DOCK9: variants seen among roughly 807,000 people sequenced by gnomAD.
DOCK9 encodes the protein dedicator of cytokinesis protein 9.
Under a neutral mutation model 263.3 loss-of-function variants are expected in DOCK9, and 89 were observed. The observed-to-expected ratio is 0.34, with a 90% CI of 0.28 to 0.40. The LOEUF (loss-of-function observed/expected upper bound fraction) is 0.40, where lower values mean the gene tolerates loss of function less well. Among genes scored for constraint, DOCK9 ranks in the 10% least tolerant of loss-of-function variants. The pLI, the probability that DOCK9 is intolerant of heterozygous loss-of-function variation, is 1.00. For missense variants in DOCK9, 2,140 were observed against 2,603.4 expected (o/e 0.82, Z 3.87); for synonymous variants, 976 against 973.1 (o/e 1.00, Z -0.06).
chr13:99,030,814 G>A (rs1430670460), intron 1 of DOCK9, among the ~76,000 whole-genome samples: 1 of 152,150 alleles, frequency 6.6e-6, no homozygotes, highest in Non-Finnish European at 1.5e-5. Flanking sequence ...TCATTACAAT[G>A]TACAAGTAAG....
chr13:98,797,702 A>G (rs1249424761), intron 50 of DOCK9, among the ~76,000 whole-genome samples: 1 of 152,200 alleles, frequency 6.6e-6, no homozygotes, highest in Non-Finnish European at 1.5e-5. Flanking sequence ...GGCACTTGTG[A>G]TGATGGTTTA....
intron 1 of DOCK9, among the ~76,000 whole-genome samples, chr13:99,075,790 A>C (rs1016920489): frequency 1.3e-5 from 2 of 152,144 alleles, no homozygotes; most frequent in Admixed American, 1.3e-4. Flanking sequence ...AAAAATAGAC[A>C]TGAATCTCAA....
chr13:98,822,882 T>C (rs1229303756), intron 45 of DOCK9, among the ~76,000 whole-genome samples: 1 of 152,132 alleles, frequency 6.6e-6, no homozygotes, highest in African/African-American at 2.4e-5. Flanking sequence ...GTTTTTAATT[T>C]TGAGGACCAT....
At chr13:98,973,609 T>G (rs1405647353) in intron 1 of DOCK9, among the ~76,000 whole-genome samples, 3 of 152,184 alleles carry the variant, frequency 2.0e-5, no homozygotes, top group Non-Finnish European at 4.4e-5. Context: ...AACTTTTATT[T>G]TCTTTGAGAC....
rs147866842 is a variant in DOCK9 at position 98,879,686 on chromosome 13, CA to C, written c.2943+211del. Reference sequence around the variant, plus strand: ...CATGACCTTGAGCAAGTAACTCAAGCATGCTGGCCTCAGTTTCCCCATCTAT... The same window carrying C: ...CATGACCTTGAGCAAGTAACTCAAGCTGCTGGCCTCAGTTTCCCCATCTAT... On this transcript the variant is annotated intron_variant, in intron 27 of 52. Coordinates refer to ENST00000682017, the MANE Select transcript of DOCK9 (RefSeq NM_001366683.2). Among the ~76,000 whole-genome samples, 572 of 152,320 alleles carry C rather than the reference CA, an allele frequency of 3.8e-3. 1 individual carries two copies. The highest frequency in any genetic ancestry group is 0.013 in the African/African-American group (531 of 41,552).
At chr13:99,051,381 T>C (rs567531474) in intron 1 of DOCK9, among the ~76,000 whole-genome samples, 1 of 152,172 alleles carries the variant, frequency 6.6e-6, no homozygotes, top group South Asian at 2.1e-4. Context: ...AGACAGAGCC[T>C]GAGGAGGCAC....
intron 1 of DOCK9, among the ~76,000 whole-genome samples, chr13:99,062,361 A>G (rs2041229337): frequency 6.6e-6 from 1 of 152,122 alleles, no homozygotes; most frequent in African/African-American, 2.4e-5. Context: ...ACTTCGAATG[A>G]CCTCATGGGA....
chr13:98,965,702 C>T (rs2059118499), intron 1 of DOCK9, among the ~76,000 whole-genome samples: 1 of 152,172 alleles, frequency 6.6e-6, no homozygotes, highest in African/African-American at 2.4e-5. Context: ...CTTACCTAAA[C>T]TTAGATTTAG....
chr13:99,057,821 T>C (rs2040995178), intron 1 of DOCK9, among the ~76,000 whole-genome samples: 1 of 152,184 alleles, frequency 6.6e-6, no homozygotes, highest in Admixed American at 6.5e-5. Flanking sequence ...AGTAAACTAA[T>C]TGACACACAT....
At chr13:98,794,790 T>G (rs770050776) in intron 52 of DOCK9, 42 bp from the exon 53 acceptor site, 1 of 1,609,184 alleles carries the variant, frequency 6.2e-7, no homozygotes, top group East Asian at 2.2e-5. Flanking sequence ...CAACACAAGG[T>G]TACCATATGC....
intron 1 of DOCK9, among the ~76,000 whole-genome samples, chr13:99,019,632 T>C (rs1885837103): frequency 6.6e-6 from 1 of 152,326 alleles, no homozygotes; most frequent in South Asian, 2.1e-4. Context: ...TTAGGACCTC[T>C]TGGGAGCTGT....
intron 45 of DOCK9, among the ~76,000 whole-genome samples, chr13:98,815,904 C>T (rs1169576873): frequency 6.6e-6 from 1 of 152,170 alleles, no homozygotes; most frequent in African/African-American, 2.4e-5. Flanking sequence ...CATAAAGAGT[C>T]TTAACTCCAC....
chr13:99,029,698 T>G (rs1887129361), intron 1 of DOCK9, among the ~76,000 whole-genome samples: 1 of 152,192 alleles, frequency 6.6e-6, no homozygotes, highest in South Asian at 2.1e-4. Context: ...GGCAAGGATG[T>G]AGAGTAAGTG....
intron 49 of DOCK9, among the ~76,000 whole-genome samples, chr13:98,801,805 C>T (rs919947021): frequency 2.6e-5 from 4 of 152,176 alleles, no homozygotes; most frequent in Non-Finnish European, 5.9e-5. Flanking sequence ...GGGAAACAGG[C>T]CCAGCCCCTG....
rs1888110933 is a variant in DOCK9, at chr13:99,038,288, C to CCGCTTTTTTTTTT, written c.129+47934_129+47935insAAAAAAAAAAGCG. The stretch of plus-strand genomic sequence containing the variant: ...GCTGAAAAACTGGCTTTATGCCCCC[C>CCGCTTTTTTTTTT]TTTTTTTTTTTTTTTTTTTTTTTTT... On this transcript the variant is annotated intron_variant, in intron 1 of 32. Coordinates refer to the DOCK9 transcript ENST00000427887. 3.5e-5 allele frequency among the ~76,000 whole-genome samples: 3 copies of CCGCTTTTTTTTTT among 86,262 alleles called. 1 individual carries two copies. The highest frequency in any genetic ancestry group is 6.5e-5 in the Non-Finnish European group (3 of 45,972). 56.6% of individuals were successfully genotyped at this position (86,262 alleles called of 152,430 possible).
intron 27 of DOCK9, chr13:98,872,021 C>T (rs2094200819): frequency 6.6e-6 from 1 of 152,546 alleles, no homozygotes; most frequent in Non-Finnish European, 1.5e-5. Flanking sequence ...ACAGCCAGGT[C>T]TTCGTAGAGA....
rs748876367 is a variant in DOCK9 at position 98,884,997 on chromosome 13, C to T, written c.2356G>A (p.Gly786Ser). The T allele has an allele frequency of 6.2e-7, 1 of 1,613,626 alleles. No individual in the cohort carries two copies. Among genetic ancestry groups the T allele is most frequent in the Non-Finnish European group, 8.5e-7 (1 of 1,179,768 alleles). Residue 786 changes from glycine to serine, a missense_variant, in exon 21 of 53, where the codon GGC becomes AGC. This residue lies in a region of DOCK9 where 1,521 missense variants were observed against 1,741.7 expected (regional missense o/e 0.87). Coordinates refer to ENST00000682017, the MANE Select transcript of DOCK9 (RefSeq NM_001366683.2). ...CTGCCCATCCCAAGCTCCTGGTAGCCAAGATAGCCCGAAGGAAGGTTCGCC... is the reference window on the plus strand; with the variant it reads ...CTGCCCATCCCAAGCTCCTGGTAGCTAAGATAGCCCGAAGGAAGGTTCGCC... ...VSANLPSGYL[G>S]YQELGMGRHY...
chr13:99,066,926 G>A (rs1450213594), intron 1 of DOCK9, among the ~76,000 whole-genome samples: 1 of 152,114 alleles, frequency 6.6e-6, no homozygotes, highest in Non-Finnish European at 1.5e-5. Context: ...CTACTCCCAT[G>A]AATAACAGCC....
Position 98,903,128 on chromosome 13 carries a change from T to A in DOCK9, c.1036-16A>T. On this transcript the variant is annotated splice_polypyrimidine_tract_variant and intron_variant, in intron 10 of 52. Coordinates refer to ENST00000682017, the MANE Select transcript of DOCK9 (RefSeq NM_001366683.2). Reference sequence around the variant, plus strand: ...AGTCAAGCTTCTTTAAAAGAAAATGTAAACATATAAATAAGTTATGCTCTT... The same window carrying A: ...AGTCAAGCTTCTTTAAAAGAAAATGAAAACATATAAATAAGTTATGCTCTT... 6.7e-7 allele frequency: 1 copy of A among 1,487,090 alleles called. No homozygotes were observed. Among genetic ancestry groups the A allele is most frequent in the Non-Finnish European group, 8.9e-7 (1 of 1,123,516 alleles). 92.1% of individuals were successfully genotyped at this position (1,487,090 alleles called of 1,614,324 possible).
Sources: allele counts gnomAD v4.1 joint callset (sites outside exome capture counted in the v4.1 genomes callset), GRCh38; gene constraint gnomAD v4.1.1; regional missense constraint gnomAD v4.1.1; transcripts MANE v1.5; gene names NCBI Gene and HGNC (gene_info 2026-07-23, HGNC 2026-07-21).